AGAP1: variants seen among roughly 807,000 people sequenced by gnomAD.
AGAP1 encodes ArfGAP with GTPase domain, ankyrin repeat and PH domain 1, also known as arf-GAP with GTPase, ANK repeat and PH domain-containing protein 1.
In AGAP1, 29 loss-of-function variants were observed where a neutral mutation model predicts 105.3. That is an observed-to-expected ratio of 0.28 (90% CI 0.21 to 0.38). AGAP1 has a LOEUF of 0.38. AGAP1 is among the 10% of genes least tolerant of loss of function. AGAP1 has a pLI of 1.00. For missense variants in AGAP1, 998 were observed against 1,165.1 expected (o/e 0.86, Z 2.09); for synonymous variants, 509 against 485.9 (o/e 1.05, Z -0.63).
rs1301375653 is a variant in AGAP1 at position 235,736,418 on chromosome 2, G to A, written c.311-4545G>A. 6.6e-6 allele frequency among the ~76,000 whole-genome samples: 1 copy of A among 152,134 alleles called. No individual in the cohort carries two copies. The highest frequency in any genetic ancestry group is 2.4e-5 in the African/African-American group (1 of 41,432). On this transcript the variant is annotated intron_variant, in intron 3 of 17. Coordinates refer to ENST00000304032, the MANE Select transcript of AGAP1 (RefSeq NM_001037131.3). This position sits in a 1 kb window ranked among gnomAD's most constrained non-coding sequence, Gnocchi z 5.5. ...CAGAGAAGGTTGCACATCACTCATG[G>A]CAGATCCATTACATGGGCCATGGGC... is the stretch of plus-strand genomic sequence containing the variant.
chr2:236,107,617 A>G (rs1281551353), intron 16 of AGAP1, among the ~76,000 whole-genome samples: 1 of 152,178 alleles, frequency 6.6e-6, no homozygotes, highest in Non-Finnish European at 1.5e-5. Flanking sequence ...ACCTCAGGCG[A>G]AGGTTTGGGG....
rs181807340 is a variant in AGAP1, at chr2:235,724,395, C to G, written c.310+6751C>G. Among the ~76,000 whole-genome samples the G allele has an allele frequency of 2.0e-4, 31 of 152,346 alleles. No individual in the cohort carries two copies. The highest frequency in any genetic ancestry group is 7.2e-4 in the African/African-American group (30 of 41,584). On this transcript the variant is annotated intron_variant, in intron 3 of 17. Coordinates refer to ENST00000304032, the MANE Select transcript of AGAP1 (RefSeq NM_001037131.3). This position sits in a 1 kb window ranked among gnomAD's most constrained non-coding sequence, Gnocchi z 4.9. Reference sequence around the variant, plus strand: ...GGCAGCAGCTGCCCCCATGCTCTGTCCCAGAGACGGAACACACTGGTCACT... The same window carrying G: ...GGCAGCAGCTGCCCCCATGCTCTGTGCCAGAGACGGAACACACTGGTCACT...
At chr2:235,862,727 C>G (rs1036135447) in intron 9 of AGAP1, among the ~76,000 whole-genome samples, 28 of 152,190 alleles carry the variant, frequency 1.8e-4, no homozygotes, top group African/African-American at 6.8e-4. Context: ...AACCTCTAGT[C>G]CATGTCTGAA....
At chr2:235,892,757 G>T (rs2050605279) in intron 10 of AGAP1, among the ~76,000 whole-genome samples, 1 of 152,090 alleles carries the variant, frequency 6.6e-6, no homozygotes. Context: ...TGTCTGCTAG[G>T]ATGGACCTCA....
rs148962160 is a variant in AGAP1 at position 235,729,794 on chromosome 2, G to T, written c.311-11169G>T. The stretch of plus-strand genomic sequence containing the variant: ...TCAACAAAAGAAATACCAAAGATGA[G>T]ACTACAGCAGCGACTTGTCACCTCT... On this transcript the variant is annotated intron_variant, in intron 3 of 17. Coordinates refer to ENST00000304032, the MANE Select transcript of AGAP1 (RefSeq NM_001037131.3). The surrounding 1 kb of genome is among the most constrained non-coding windows in gnomAD (Gnocchi z 5.0). Among the ~76,000 whole-genome samples, 563 of 152,238 alleles carry T rather than the reference G, an allele frequency of 3.7e-3. 6 individuals carry two copies. The highest frequency in any genetic ancestry group is 0.013 in the African/African-American group (541 of 41,506).
chr2:235,769,164 C>T lies in AGAP1; in HGVS notation c.673+18676C>T, dbSNP rs6728562. On this transcript the variant is annotated intron_variant, in intron 6 of 17. Transcript: ENST00000304032. The surrounding 1 kb of genome is among the most constrained non-coding windows in gnomAD (Gnocchi z 4.4). ...TCTTAGTGCCCGTCCCCCGTAGCTC[C>T]GTCACACAGTCCTGTTGCTGCTACC... is the stretch of plus-strand genomic sequence containing the variant. Among the ~76,000 whole-genome samples the T allele has an allele frequency of 0.032, 4,906 of 152,208 alleles. 262 individuals carry two copies. Among genetic ancestry groups the T allele is most frequent in the African/African-American group, 0.11 (4,536 of 41,518 alleles).
intron 8 of AGAP1, among the ~76,000 whole-genome samples, chr2:235,805,018 C>T (rs577702498): frequency 2.6e-5 from 4 of 152,150 alleles, no homozygotes; most frequent in African/African-American, 4.8e-5. Context: ...GTGTCTATGT[C>T]CATTGGATTT....
rs548914204 is a variant in AGAP1, at chr2:235,560,319, T to G, written c.163+65470T>G. Among the ~76,000 whole-genome samples, 17 of 152,210 alleles carry G rather than the reference T, an allele frequency of 1.1e-4. No individual in the cohort carries two copies. The South Asian group carries it at 1.9e-3, about 17-fold the overall frequency. On this transcript the variant is annotated intron_variant, in intron 1 of 17. Transcript: ENST00000304032. ...ATTTTCTCTTCTTTCTTTCTCTCTT[T>G]CTGCTTCCTTTCCCTTCCCGTCTCC...
At position 235,968,481 on chromosome 2, in the gene AGAP1, C is replaced by G; in HGVS notation, c.1503C>G (p.Ser501=). ...AISSDTGLGD[S]VCSSPSISST... ...TGGCAGACACAGGGCTGGGTGACTC[C>G]GTATGCTCCAGCCCCAGTATCTCCA... The change falls in exon 13 of 18, where the codon TCC becomes TCG. Residue 501 remains serine (S), a synonymous_variant. Coordinates refer to ENST00000304032, the MANE Select transcript of AGAP1 (RefSeq NM_001037131.3). The G allele has an allele frequency of 1.2e-6, 2 of 1,606,914 alleles. No homozygotes were observed. Among genetic ancestry groups the G allele is most frequent in the Non-Finnish European group, 1.7e-6 (2 of 1,177,440 alleles).
chr2:235,928,173 C>T (rs1013817472), intron 11 of AGAP1, among the ~76,000 whole-genome samples: 1 of 152,194 alleles, frequency 6.6e-6, no homozygotes, highest in Non-Finnish European at 1.5e-5. Context: ...CTTTCGCCCA[C>T]CATAACAGTG....
At chr2:235,671,197 T>G in intron 1 of AGAP1, 1 of 1,011,258 alleles carries the variant, frequency 9.9e-7, no homozygotes, top group Non-Finnish European at 1.3e-6. Context: ...GTACTGCGGT[T>G]TTCCCCAGCA....
chr2:235,865,711 G>A lies in AGAP1; in HGVS notation c.1051-17634G>A, dbSNP rs1231908826. On this transcript the variant is annotated intron_variant, in intron 9 of 17. Transcript: ENST00000304032. This position sits in a 1 kb window ranked among gnomAD's most constrained non-coding sequence, Gnocchi z 6.2. ...TACTATTTTAAAAAGCTCAGTTAAG[G>A]GGGGATTCCTGCTGTTCCTATGGAA... Among the ~76,000 whole-genome samples, 7 of 152,136 alleles carry A rather than the reference G, an allele frequency of 4.6e-5. No homozygotes were observed. The highest frequency in any genetic ancestry group is 1.7e-4 in the African/African-American group (7 of 41,412).
At chr2:235,598,831 T>C (rs557700381) in intron 1 of AGAP1, among the ~76,000 whole-genome samples, 18 of 152,312 alleles carry the variant, frequency 1.2e-4, no homozygotes, top group Non-Finnish European at 2.5e-4. Flanking sequence ...TCTTTATTTT[T>C]TAAGATAATT....
chr2:235,607,600 A>G (rs1438547808), intron 1 of AGAP1, among the ~76,000 whole-genome samples: 1 of 152,106 alleles, frequency 6.6e-6, no homozygotes, highest in African/African-American at 2.4e-5. Context: ...TTTGTTTGTC[A>G]CCTGAAGGGG....
intron 1 of AGAP1, among the ~76,000 whole-genome samples, chr2:235,619,550 G>T (rs113334816): frequency 1.1e-4 from 17 of 151,786 alleles, no homozygotes; most frequent in African/African-American, 4.1e-4. Context: ...GGGCTGAAGT[G>T]GGGGAGCTGG....
Position 235,801,356 on chromosome 2 carries a change from C to T in AGAP1, c.957+1834C>T, listed in dbSNP as rs1041418876. Among the ~76,000 whole-genome samples, 5 of 152,184 alleles carry T rather than the reference C, an allele frequency of 3.3e-5. No individual in the cohort carries two copies. Among genetic ancestry groups the T allele is most frequent in the Non-Finnish European group, 7.3e-5 (5 of 68,034 alleles). ...CTGGTGGCATTGCTTCCATGGTTTT[C>T]TCACTCCATTGATGCTATAAAATGA... On this transcript the variant is annotated intron_variant, in intron 8 of 17. Coordinates refer to ENST00000304032, the MANE Select transcript of AGAP1 (RefSeq NM_001037131.3). The surrounding 1 kb of genome is among the most constrained non-coding windows in gnomAD (Gnocchi z 6.0).
intron 11 of AGAP1, among the ~76,000 whole-genome samples, chr2:235,917,721 A>G (rs2125088433): frequency 6.6e-6 from 1 of 152,290 alleles, no homozygotes; most frequent in Non-Finnish European, 1.5e-5. Context: ...TGCATTAGGA[A>G]CAGTGACAAA....
rs140183650 is a variant in AGAP1, at chr2:235,919,085, C to G, written c.1324+10179C>G. Among the ~76,000 whole-genome samples the G allele has an allele frequency of 2.0e-5, 3 of 152,130 alleles. No homozygotes were observed. Among genetic ancestry groups the G allele is most frequent in the African/African-American group, 7.2e-5 (3 of 41,426 alleles). On this transcript the variant is annotated intron_variant, in intron 11 of 17. Transcript: ENST00000304032. This position sits in a 1 kb window ranked among gnomAD's most constrained non-coding sequence, Gnocchi z 4.1. ...GTTTCAGCTGCTGAACTGATGCTTC[C>G]GAGACCAGCGAAGTGGTCTGCAGGG...
rs1399272474 is a variant in AGAP1, at chr2:236,053,566, G to A, written c.2114+4285G>A. 3.3e-5 allele frequency among the ~76,000 whole-genome samples: 5 copies of A among 152,268 alleles called. No individual in the cohort carries two copies. The highest frequency in any genetic ancestry group is 1.9e-4 in the East Asian group (1 of 5,194). On this transcript the variant is annotated intron_variant, in intron 16 of 17. Transcript: ENST00000304032. The surrounding 1 kb of genome is among the most constrained non-coding windows in gnomAD (Gnocchi z 4.6). ...GCAAGTGATTTCCTAGCAGGACGGAGCAGAGCCCTCTGGCGCCACATTCCT... is the reference window on the plus strand; with the variant it reads ...GCAAGTGATTTCCTAGCAGGACGGAACAGAGCCCTCTGGCGCCACATTCCT...
Sources: allele counts gnomAD v4.1 joint callset (sites outside exome capture counted in the v4.1 genomes callset), GRCh38; gene constraint gnomAD v4.1.1; non-coding constraint Gnocchi (gnomAD v3.1); transcripts MANE v1.5; gene names NCBI Gene and HGNC (gene_info 2026-07-23, HGNC 2026-07-21).